The following PLEKHG7 variants were observed in gnomAD, a reference collection of about 807,000 sequenced individuals.
PLEKHG7 encodes the protein pleckstrin homology domain-containing family G member 7.
Under a neutral mutation model 85.2 loss-of-function variants are expected in PLEKHG7, and 77 were observed. That is an observed-to-expected ratio of 0.90 (90% CI 0.75 to 1.09). The LOEUF (loss-of-function observed/expected upper bound fraction) is 1.09, where lower values mean the gene tolerates loss of function less well. PLEKHG7 is among the 50% of genes least tolerant of loss of function. PLEKHG7 has a pLI of 0.00. For synonymous variants in PLEKHG7, 301 were observed against 302.4 expected (o/e 1.00, Z 0.05); for missense variants, 777 against 804.3 (o/e 0.97, Z 0.41).
chr12:92,708,603 G>A (rs548198015), intron 3 of PLEKHG7: 1 of 152,286 alleles, frequency 6.6e-6, no homozygotes, highest in African/African-American at 2.4e-5. Flanking sequence ...ACTTGGTCTA[G>A]GCTGGGTTTA....
At chr12:92,709,985 GC>G (rs1282086060) in intron 3 of PLEKHG7, among the ~76,000 whole-genome samples, 18 of 152,166 alleles carry the variant, frequency 1.2e-4, no homozygotes, top group Admixed American at 1.2e-3. Flanking sequence ...TGTCCAGGTG[GC>G]AATTTTAACT....
chr12:92,706,591 T>A lies in PLEKHG7; in HGVS notation c.-41T>A. 1 of 1,542,648 alleles carries A rather than the reference T, an allele frequency of 6.5e-7. No individual in the cohort carries two copies. Among genetic ancestry groups the A allele is most frequent in the Non-Finnish European group, 8.7e-7 (1 of 1,147,760 alleles). Reference sequence around the variant, plus strand: ...GATCCAGAGAACAGCAACTCATACGTCTTCTGGAACCTTCTACCAACAGTA... The same window carrying A: ...GATCCAGAGAACAGCAACTCATACGACTTCTGGAACCTTCTACCAACAGTA... On this transcript the variant is annotated 5_prime_UTR_variant, in exon 2 of 17. Coordinates refer to ENST00000344636, the MANE Select transcript of PLEKHG7 (RefSeq NM_001377329.1).
At chr12:92,724,837 G>T (rs1871750925) in intron 3 of PLEKHG7, among the ~76,000 whole-genome samples, 3 of 152,122 alleles carry the variant, frequency 2.0e-5, no homozygotes. Flanking sequence ...GTCAGAGCAG[G>T]TCAGCCTATG....
At chr12:92,757,372 C>T (rs945700430) in intron 13 of PLEKHG7, among the ~76,000 whole-genome samples, 1 of 152,156 alleles carries the variant, frequency 6.6e-6, no homozygotes, top group African/African-American at 2.4e-5. Flanking sequence ...TGACCAGGCA[C>T]TTACTGAGTG....
At chr12:92,705,417 A>C (rs182317579) in intron 1 of PLEKHG7, among the ~76,000 whole-genome samples, 1 of 152,386 alleles carries the variant, frequency 6.6e-6, no homozygotes, top group Admixed American at 6.5e-5. Flanking sequence ...CATGCAATTA[A>C]AATTATAAGA....
intron 15 of PLEKHG7, among the ~76,000 whole-genome samples, chr12:92,768,731 A>G (rs1166388572): frequency 3.3e-5 from 5 of 152,182 alleles, no homozygotes; most frequent in Admixed American, 1.3e-4. Context: ...GTTGCATTTC[A>G]TCAAGTATCA....
chr12:92,732,892 C>T (rs1297154256), intron 5 of PLEKHG7, among the ~76,000 whole-genome samples: 2 of 152,136 alleles, frequency 1.3e-5, no homozygotes, highest in Non-Finnish European at 2.9e-5. Context: ...CAACCTGACT[C>T]CTGTTTTCTA....
intron 16 of PLEKHG7, 115 bp from the exon 17 acceptor site, chr12:92,769,973 C>A: frequency 7.9e-6 from 5 of 629,550 alleles, no homozygotes; most frequent in East Asian, 3.0e-5. Flanking sequence ...CATTAGTCTT[C>A]AGTTTTAAAG....
rs1477214201 is a variant in PLEKHG7 at position 92,736,496 on chromosome 12, C to A, written c.714C>A (p.His238Gln). The change falls in exon 6 of 17, where the codon CAC becomes CAA. Residue 238 changes from histidine (H) to glutamine (Q), a missense_variant. Around this residue, in one of 3 missense-constraint regions of PLEKHG7, gnomAD observed 520 missense variants for 544.0 expected, o/e 0.96. Coordinates refer to ENST00000344636, the MANE Select transcript of PLEKHG7 (RefSeq NM_001377329.1). ...FSKRGVGKDK[H>Q]KHISDLENCL... ...TCTTCGAGCAGGGCAAAGACAAACA[C>A]AAGCACATATCTGATCTGGAAAACT... 1.6e-6 allele frequency: 2 copies of A among 1,231,870 alleles called. No individual in the cohort carries two copies. The highest frequency in any genetic ancestry group is 1.0e-6 in the Non-Finnish European group (1 of 987,732). The allele number at this position is 1,231,870 out of a possible 1,614,324, so 76.3% of individuals were successfully genotyped here. A position where few individuals can be genotyped will look rare whatever the true frequency, so the allele number is the denominator to read the frequency against.
chr12:92,706,688 T>C lies in PLEKHG7; in HGVS notation c.57T>C (p.Ser19=). 2.5e-6 allele frequency: 4 copies of C among 1,614,118 alleles called. No individual in the cohort carries two copies. Among genetic ancestry groups the C allele is most frequent in the Non-Finnish European group, 3.4e-6 (4 of 1,180,002 alleles). The part of the protein sequence containing the change: ...PEVPPQDCGA[S]PRPSLRSLPK... The stretch of plus-strand genomic sequence containing the variant: ...TGCCACCCCAAGACTGTGGAGCCTC[T>C]CCTCGGCCCTCGCTGAGGAGCCTGC... Residue 19 remains serine (S), a synonymous_variant, in exon 2 of 17, where the codon TCT becomes TCC. Coordinates refer to ENST00000344636, the MANE Select transcript of PLEKHG7 (RefSeq NM_001377329.1).
chr12:92,722,555 C>T (rs1406457999), intron 3 of PLEKHG7, among the ~76,000 whole-genome samples: 2 of 152,116 alleles, frequency 1.3e-5, no homozygotes, highest in Admixed American at 6.5e-5. Context: ...GTTCACAAGC[C>T]GGTTATCTTC....
At chr12:92,711,512 C>T (rs1223577918) in intron 3 of PLEKHG7, among the ~76,000 whole-genome samples, 1 of 152,146 alleles carries the variant, frequency 6.6e-6, no homozygotes, top group Non-Finnish European at 1.5e-5. Context: ...CTAGATGGGT[C>T]AGAAAGCACC....
In PLEKHG7 at chr12:92,771,506, G is replaced by C. The variant is rs1047184407; in HGVS notation, c.*1311G>C. 5 of 151,952 alleles carry C rather than the reference G, an allele frequency of 3.3e-5. No individual in the cohort carries two copies. The highest frequency in any genetic ancestry group is 1.3e-4 in the Admixed American group (2 of 15,234). 9.4% of individuals were successfully genotyped at this position (151,952 alleles called of 1,614,324 possible). On this transcript the variant is annotated 3_prime_UTR_variant, in exon 17 of 17. Transcript: ENST00000344636. The stretch of plus-strand genomic sequence containing the variant: ...TAGAAGAAAAAAAGGAAAATCTGGA[G>C]GACAGTAACTATTGTTAATAGCTAA...
intron 3 of PLEKHG7, among the ~76,000 whole-genome samples, chr12:92,712,149 T>C (rs1871377717): frequency 6.6e-6 from 1 of 152,234 alleles, no homozygotes; most frequent in Non-Finnish European, 1.5e-5. Flanking sequence ...TATTTGCTAC[T>C]TCTTGCTCAC....
At position 92,707,145 on chromosome 12, in the gene PLEKHG7, C is replaced by T. The variant is rs769273087; in HGVS notation, c.507+7C>T. 1 of 1,608,278 alleles carries T rather than the reference C, an allele frequency of 6.2e-7. No individual in the cohort carries two copies. Among genetic ancestry groups the T allele is most frequent in the South Asian group, 1.1e-5 (1 of 90,268 alleles). On this transcript the variant is annotated splice_region_variant and intron_variant, in intron 2 of 16. Coordinates refer to ENST00000344636, the MANE Select transcript of PLEKHG7 (RefSeq NM_001377329.1). ...ACGACACCCTAGTCCTCAGGTAACACAGCTCTAAGCCTCCGGCCTCTCAGT... is the reference window on the plus strand; with the variant it reads ...ACGACACCCTAGTCCTCAGGTAACATAGCTCTAAGCCTCCGGCCTCTCAGT...
intron 1 of PLEKHG7, among the ~76,000 whole-genome samples, chr12:92,705,120 G>T (rs551187090): frequency 6.6e-6 from 1 of 152,326 alleles, no homozygotes; most frequent in African/African-American, 2.4e-5. Context: ...AGTACAAAAA[G>T]CATAGTGAGA....
chr12:92,717,574 A>T (rs1871524756), intron 3 of PLEKHG7, among the ~76,000 whole-genome samples: 2 of 152,242 alleles, frequency 1.3e-5, no homozygotes, highest in African/African-American at 4.8e-5. Context: ...CCTCATATAC[A>T]ATAGTGGTCC....
intron 13 of PLEKHG7, 68 bp from the exon 14 acceptor site, chr12:92,761,684 A>G (rs1873037526): frequency 1.4e-6 from 2 of 1,391,746 alleles, no homozygotes; most frequent in Non-Finnish European, 1.9e-6. Flanking sequence ...GAAAGAAAGA[A>G]AGGGAAAGAA....
intron 13 of PLEKHG7, among the ~76,000 whole-genome samples, chr12:92,757,564 T>C (rs974646104): frequency 1.3e-5 from 2 of 152,214 alleles, no homozygotes; most frequent in Non-Finnish European, 2.9e-5. Flanking sequence ...GATAGACATA[T>C]CCAGCGTTTT....
Sources: allele counts gnomAD v4.1 joint callset (sites outside exome capture counted in the v4.1 genomes callset), GRCh38; gene constraint gnomAD v4.1.1; regional missense constraint gnomAD v4.1.1; transcripts MANE v1.5; gene names NCBI Gene and HGNC (gene_info 2026-07-23, HGNC 2026-07-21).